Variants in LRRIQ1 observed in about 807,000 individuals in gnomAD.
LRRIQ1 encodes the protein leucine rich repeats and IQ motif containing 1, also known as leucine-rich repeat- and IQ domain-containing protein 1.
A neutral mutation model predicts 211.9 loss-of-function variants in LRRIQ1; 210 were observed. The ratio of observed to expected loss-of-function variants is 0.99; its 90% CI spans 0.89 to 1.11. LRRIQ1 has a LOEUF of 1.11. LRRIQ1 is among the 50% of genes most tolerant of loss of function. The probability of loss-of-function intolerance (pLI) is 0.00; values close to 1 mark genes in which losing one functional copy is unlikely to be tolerated. For synonymous variants in LRRIQ1, 699 were observed against 650.1 expected (o/e 1.08, Z -1.14); for missense variants, 2,136 against 1,939.5 (o/e 1.10, Z -1.90).
chr12:85,260,627 C>T (rs1008491838), intron 1 of LRRIQ1, among the ~76,000 whole-genome samples: 1 of 152,106 alleles, frequency 6.6e-6, no homozygotes, highest in African/African-American at 2.4e-5. Flanking sequence ...CTACCTCCAC[C>T]GGTGGCCCCA....
At chr12:85,188,833 T>A (rs924646567) in intron 24 of LRRIQ1, among the ~76,000 whole-genome samples, 2 of 152,108 alleles carry the variant, frequency 1.3e-5, no homozygotes, top group African/African-American at 2.4e-5. Flanking sequence ...TCATACAGCT[T>A]AAAGTTCTTT....
intron 19 of LRRIQ1, among the ~76,000 whole-genome samples, chr12:85,139,634 A>G (rs901302971): frequency 6.6e-6 from 1 of 151,440 alleles, no homozygotes; most frequent in African/African-American, 2.4e-5. Context: ...TCCAAATTAC[A>G]CTGCAATAAT....
chr12:85,056,481 T>C lies in LRRIQ1; in HGVS notation c.1688T>C (p.Ile563Thr). 2 of 1,610,490 alleles carry C rather than the reference T, an allele frequency of 1.2e-6. No homozygotes were observed. The highest frequency in any genetic ancestry group is 1.7e-6 in the Non-Finnish European group (2 of 1,178,822). Residue 563 changes from isoleucine (I) to threonine (T), a missense_variant, in exon 8 of 27, where the codon ATC becomes ACC. Coordinates refer to ENST00000393217, the MANE Select transcript of LRRIQ1 (RefSeq NM_001079910.2). ...TQIILGHNQEISEVKTNEEQK... is the reference protein window; with the variant it reads ...TQIILGHNQETSEVKTNEEQK... ...ATAATATTAGGACATAACCAAGAAA[T>C]CAGTGAGGTGAAAACCAATGAAGAG...
At chr12:85,252,638 A>C (rs1895979191) in intron 1 of LRRIQ1, among the ~76,000 whole-genome samples, 1 of 151,918 alleles carries the variant, frequency 6.6e-6, no homozygotes, top group African/African-American at 2.4e-5. Context: ...CTGATGAAGA[A>C]TATTAAAAGA....
intron 15 of LRRIQ1, among the ~76,000 whole-genome samples, chr12:85,110,868 T>C (rs1887122005): frequency 6.6e-6 from 1 of 152,086 alleles, no homozygotes; most frequent in Non-Finnish European, 1.5e-5. Context: ...AGAAATCAAG[T>C]ACTTACAGTG....
chr12:85,222,156 A>G (rs1894434123), intron 24 of LRRIQ1, among the ~76,000 whole-genome samples: 1 of 152,182 alleles, frequency 6.6e-6, no homozygotes, highest in Admixed American at 6.5e-5. Context: ...AATAAACATG[A>G]GTTCAATTTT....
chr12:85,173,798 T>C (rs1565884051), intron 24 of LRRIQ1, among the ~76,000 whole-genome samples: 2 of 152,038 alleles, frequency 1.3e-5, no homozygotes, highest in Non-Finnish European at 2.9e-5. Context: ...ACCATCACAT[T>C]GGGGGTTAGG....
chr12:85,124,526 TATATA>T lies in LRRIQ1; in HGVS notation c.4007+9_4007+13del. On this transcript the variant is annotated splice_region_variant and intron_variant, in intron 17 of 26. Coordinates refer to ENST00000393217, the MANE Select transcript of LRRIQ1 (RefSeq NM_001079910.2). ...TTGAGCCTAGTGAAAAAATGTAAGA[TATATA>T]AATAATGTTTCTTTTATAGATGTAT... The T allele has an allele frequency of 6.3e-7, 1 of 1,585,954 alleles. No individual in the cohort carries two copies.
chr12:85,188,338 T>C (rs1892330175), intron 24 of LRRIQ1, among the ~76,000 whole-genome samples: 1 of 152,110 alleles, frequency 6.6e-6, no homozygotes, highest in Admixed American at 6.6e-5. Context: ...ATTTCATTGA[T>C]TACAAGATGT....
chr12:85,098,171 G>A (rs184055732), intron 11 of LRRIQ1, among the ~76,000 whole-genome samples, 184 bp from the exon 12 acceptor site: 7 of 152,160 alleles, frequency 4.6e-5, no homozygotes, highest in Non-Finnish European at 8.8e-5. Context: ...TCACCCAGAT[G>A]CCAGTTTAAA....
At chr12:85,149,723 T>C (rs1242796015) in intron 19 of LRRIQ1, among the ~76,000 whole-genome samples, 2 of 103,492 alleles carry the variant, frequency 1.9e-5, no homozygotes, top group Admixed American at 1.8e-4. Flanking sequence ...ATTCGTTGTC[T>C]TGGTAACATA....
chr12:85,216,426 T>A (rs1032253654), intron 24 of LRRIQ1, among the ~76,000 whole-genome samples: 1 of 151,984 alleles, frequency 6.6e-6, no homozygotes, highest in Non-Finnish European at 1.5e-5. Flanking sequence ...GGCAGTGTTC[T>A]ATATTTTGAA....
downstream of LRRIQ1, among the ~76,000 whole-genome samples, chr12:85,268,151 A>AAAT (rs1202473973): frequency 1.3e-5 from 2 of 151,988 alleles, no homozygotes; most frequent in Non-Finnish European, 2.9e-5. Flanking sequence ...TATTTCCATG[A>AAAT]AATGATGGGA....
Position 85,260,392 on chromosome 12 carries a change from G to A in LRRIQ1, c.122-2523G>A, listed in dbSNP as rs920018231. ...TTTTATCAAGAATATTAACTAACGA[G>A]AAATTATATTATTGAATTAAATTTT... On this transcript the variant is annotated intron_variant, in intron 1 of 1. Transcript: ENST00000602731. Among the ~76,000 whole-genome samples, 5 of 151,990 alleles carry A rather than the reference G, an allele frequency of 3.3e-5. No individual in the cohort carries two copies. In the East Asian group the frequency reaches 7.7e-4, roughly 23 times the overall value.
intron 11 of LRRIQ1, among the ~76,000 whole-genome samples, chr12:85,096,196 C>A (rs2136260698): frequency 6.6e-6 from 1 of 152,150 alleles, no homozygotes; most frequent in East Asian, 1.9e-4. Flanking sequence ...TTCTTTTGTT[C>A]CACTAGTTTT....
At chr12:85,195,613 C>A (rs2136975744) in intron 24 of LRRIQ1, among the ~76,000 whole-genome samples, 1 of 151,734 alleles carries the variant, frequency 6.6e-6, no homozygotes, top group African/African-American at 2.4e-5. Flanking sequence ...AAGCCTTTGA[C>A]AAAATTCAAC....
At chr12:85,227,170 G>A (rs1252670709) in intron 24 of LRRIQ1, among the ~76,000 whole-genome samples, 1 of 152,088 alleles carries the variant, frequency 6.6e-6, no homozygotes, top group Non-Finnish European at 1.5e-5. Flanking sequence ...GTGTAAAAGT[G>A]TTCCTATTTC....
At chr12:85,149,378 G>C (rs1386643457) in intron 19 of LRRIQ1, among the ~76,000 whole-genome samples, 1 of 151,864 alleles carries the variant, frequency 6.6e-6, no homozygotes, top group Non-Finnish European at 1.5e-5. Context: ...TGGCTAGCCA[G>C]TTTTCTCAGC....
At chr12:85,230,582 T>C (rs1894884747) in intron 25 of LRRIQ1, among the ~76,000 whole-genome samples, 1 of 152,184 alleles carries the variant, frequency 6.6e-6, no homozygotes, top group Non-Finnish European at 1.5e-5. Context: ...ATATGAATTT[T>C]AGGGGACAGA....
Sources: allele counts gnomAD v4.1 joint callset (sites outside exome capture counted in the v4.1 genomes callset), GRCh38; gene constraint gnomAD v4.1.1; transcripts MANE v1.5; gene names NCBI Gene and HGNC (gene_info 2026-07-23, HGNC 2026-07-21).